NHSL1: variants seen among roughly 807,000 people sequenced by gnomAD.
NHSL1 encodes NHS-like protein 1.
In NHSL1, 48 loss-of-function variants were observed where a neutral mutation model predicts 95.0. That is an observed-to-expected ratio of 0.51 (90% CI 0.40 to 0.64). NHSL1 has a LOEUF of 0.64. NHSL1 is among the 30% of genes least tolerant of loss of function. The pLI is 0.00. For synonymous variants in NHSL1, 783 were observed against 833.9 expected, an observed-to-expected ratio of 0.94 and a Z score of 1.05; for missense variants, 1,971 against 2,077.7, an observed-to-expected ratio of 0.95 and a Z score of 1.00.
chr6:138,561,700 G>A (rs543402607), intron 1 of NHSL1, among the ~76,000 whole-genome samples: 10 of 152,284 alleles, frequency 6.6e-5, no homozygotes, highest in South Asian at 2.1e-4. Context: ...TGAGGCACAC[G>A]CCCAAGCATG....
chr6:138,568,885 CATAAGGGTA>C (rs1783716336), intron 1 of NHSL1, among the ~76,000 whole-genome samples: 1 of 152,172 alleles, frequency 6.6e-6, no homozygotes, highest in Non-Finnish European at 1.5e-5. Context: ...GAAAGATACC[CATAAGGGTA>C]ACCACTTAAA....
At chr6:138,684,645 AG>A (rs1269531782) in intron 1 of NHSL1, among the ~76,000 whole-genome samples, 2 of 144,814 alleles carry the variant, frequency 1.4e-5, no homozygotes, top group African/African-American at 5.1e-5. Flanking sequence ...ACTCCGTCTC[AG>A]AAAAACAAAC....
upstream of NHSL1, among the ~76,000 whole-genome samples, chr6:138,577,068 C>G (rs1216145357): frequency 6.6e-6 from 1 of 152,100 alleles, no homozygotes; most frequent in Non-Finnish European, 1.5e-5. Context: ...TATGCTTCTA[C>G]CAAGAGTCAA....
At chr6:138,627,778 G>A (rs189800290) in intron 1 of NHSL1, among the ~76,000 whole-genome samples, 10 of 152,238 alleles carry the variant, frequency 6.6e-5, no homozygotes, top group Admixed American at 6.5e-4. Context: ...CTACTCAGGA[G>A]GCTGAGGCAG....
Position 138,507,181 on chromosome 6 carries a change from T to C in NHSL1, c.17-10810A>G, listed in dbSNP as rs375806954. Reference sequence around the variant, plus strand: ...ATCTCCCTAATCCAGCAAACACTAATGGTGGGCAACTGATATGTTATGTCC... The same window carrying C: ...ATCTCCCTAATCCAGCAAACACTAACGGTGGGCAACTGATATGTTATGTCC... On this transcript the variant is annotated intron_variant, in intron 1 of 4. Transcript: ENST00000342260. Among the ~76,000 whole-genome samples, 8 of 152,304 alleles carry C rather than the reference T, an allele frequency of 5.3e-5. No individual in the cohort carries two copies. In the East Asian group the frequency reaches 1.5e-3, roughly 29 times the overall value.
intron 1 of NHSL1, among the ~76,000 whole-genome samples, chr6:138,633,669 G>T (rs1461670072): frequency 6.6e-6 from 1 of 152,116 alleles, no homozygotes; most frequent in Non-Finnish European, 1.5e-5. Flanking sequence ...TATTCTACAA[G>T]AAATGCTAAA....
intron 1 of NHSL1, among the ~76,000 whole-genome samples, chr6:138,611,078 A>C (rs576950266): frequency 2.0e-5 from 3 of 152,182 alleles, no homozygotes; most frequent in Admixed American, 1.3e-4. Context: ...TGTCTCCAAA[A>C]AAAAAAAAAG....
intron 1 of NHSL1, among the ~76,000 whole-genome samples, chr6:138,612,630 G>A (rs1454494751): frequency 2.0e-5 from 3 of 152,186 alleles, no homozygotes; most frequent in East Asian, 1.9e-4. Context: ...AAGAAGAATT[G>A]TAATATTTGA....
intron 1 of NHSL1, among the ~76,000 whole-genome samples, chr6:138,558,124 T>TG (rs1783263303): frequency 6.6e-6 from 1 of 152,022 alleles, no homozygotes; most frequent in Non-Finnish European, 1.5e-5. Flanking sequence ...CAGGGTTTTT[T>TG]GGGGGGCTTT....
chr6:138,628,009 C>A (rs1261952963), intron 1 of NHSL1, among the ~76,000 whole-genome samples: 1 of 152,072 alleles, frequency 6.6e-6, no homozygotes, highest in Non-Finnish European at 1.5e-5. Context: ...TACATACACA[C>A]ATATACGTAA....
intron 4 of NHSL1, 128 bp downstream of exon 4, chr6:138,446,873 C>G (rs1776896147): frequency 1.2e-6 from 1 of 805,420 alleles, no homozygotes; most frequent in South Asian, 1.8e-5. Flanking sequence ...TCTCATTAAA[C>G]AAAGAGCATG....
intron 1 of NHSL1, among the ~76,000 whole-genome samples, chr6:138,618,033 A>G (rs1365077438): frequency 6.6e-6 from 1 of 152,254 alleles, no homozygotes; most frequent in Non-Finnish European, 1.5e-5. Context: ...TAGCAAATTC[A>G]TGAAGAGTAT....
chr6:138,612,939 C>T lies in NHSL1; in HGVS notation c.96+79537G>A, dbSNP rs149060103. ...GATACCACTTTTAGTCTTAGTCGGA[C>T]CACAAAGCATTTATGCCTTCATCAT... On this transcript the variant is annotated intron_variant, in intron 1 of 3. Coordinates refer to the NHSL1 transcript ENST00000491526. Among the ~76,000 whole-genome samples, 1,002 of 152,240 alleles carry T rather than the reference C, an allele frequency of 6.6e-3. 4 individuals are homozygous for T. The highest frequency in any genetic ancestry group is 0.011 in the Admixed American group (166 of 15,284).
At chr6:138,528,515 A>T (rs904978558) in intron 1 of NHSL1, among the ~76,000 whole-genome samples, 3 of 152,156 alleles carry the variant, frequency 2.0e-5, no homozygotes, top group Non-Finnish European at 4.4e-5. Context: ...ATGTTTTGAG[A>T]GGGAAAAACA....
chr6:138,637,757 G>A lies in NHSL1; in HGVS notation c.96+54719C>T, dbSNP rs117050999. On this transcript the variant is annotated intron_variant, in intron 1 of 3. Coordinates refer to the NHSL1 transcript ENST00000491526. ...TGCTGCAGAGGATGGGGAGAAAAGGGAACCCTCGTACAGTTAGTAGGAATG... is the reference window on the plus strand; with the variant it reads ...TGCTGCAGAGGATGGGGAGAAAAGGAAACCCTCGTACAGTTAGTAGGAATG... Among the ~76,000 whole-genome samples, 6 of 152,238 alleles carry A rather than the reference G, an allele frequency of 3.9e-5. No individual in the cohort carries two copies. In the East Asian group the frequency reaches 1.2e-3, roughly 29 times the overall value.
At chr6:138,623,251 G>T (rs912983134) in intron 1 of NHSL1, among the ~76,000 whole-genome samples, 1 of 152,176 alleles carries the variant, frequency 6.6e-6, no homozygotes, top group Admixed American at 6.5e-5. Context: ...GTAAAGTGAG[G>T]GTGGACAGGG....
intron 1 of NHSL1, among the ~76,000 whole-genome samples, chr6:138,590,761 G>A (rs752899025): frequency 1.5e-4 from 23 of 152,176 alleles, no homozygotes; most frequent in Non-Finnish European, 2.6e-4. Context: ...CCTTTGCACC[G>A]TGGGTTACTG....
At chr6:138,496,951 G>T (rs1299059489) in intron 1 of NHSL1, among the ~76,000 whole-genome samples, 3 of 152,134 alleles carry the variant, frequency 2.0e-5, no homozygotes, top group Admixed American at 6.5e-5. Context: ...ACCCATTTGT[G>T]TTACAAAATT....
chr6:138,574,302 C>T (rs1303770560), upstream of NHSL1, among the ~76,000 whole-genome samples: 2 of 152,188 alleles, frequency 1.3e-5, no homozygotes, highest in Non-Finnish European at 2.9e-5. Context: ...CATCCACTCT[C>T]TTCTTTCTGA....
Sources: allele counts gnomAD v4.1 joint callset (sites outside exome capture counted in the v4.1 genomes callset), GRCh38; gene constraint gnomAD v4.1.1; transcripts MANE v1.5; gene names NCBI Gene and HGNC (gene_info 2026-07-23, HGNC 2026-07-21).